The following LRP1B variants were observed in gnomAD, a reference collection of about 807,000 sequenced individuals.
The protein encoded by LRP1B is LDL receptor related protein 1B, also known as low-density lipoprotein receptor-related protein 1B.
LRP1B carries 217 observed loss-of-function variants against 556.6 expected under a neutral mutation model. The ratio of observed to expected loss-of-function variants is 0.39; its 90% CI spans 0.35 to 0.44. LRP1B has a LOEUF of 0.44. Among genes scored for constraint, LRP1B ranks in the 20% least tolerant of loss-of-function variants. The pLI is 1.00. For synonymous variants in LRP1B, 2,047 were observed against 1,865.8 expected (o/e 1.10, Z -2.50); for missense variants, 5,053 against 5,620.8 (o/e 0.90, Z 3.23).
chr2:141,076,557 T>C (rs1439621643), intron 7 of LRP1B, among the ~76,000 whole-genome samples: 1 of 152,224 alleles, frequency 6.6e-6, no homozygotes, highest in Non-Finnish European at 1.5e-5. Flanking sequence ...TCATTTACTA[T>C]TTGATCCAGC....
chr2:142,084,230 C>G (rs1217794101), intron 1 of LRP1B, among the ~76,000 whole-genome samples: 2 of 152,160 alleles, frequency 1.3e-5, no homozygotes, highest in Admixed American at 1.3e-4. Context: ...GATCCGCCCA[C>G]CTTGGCCTCC....
intron 1 of LRP1B, among the ~76,000 whole-genome samples, chr2:141,975,503 G>A (rs974976951): frequency 1.8e-4 from 28 of 152,012 alleles, no homozygotes; most frequent in African/African-American, 6.3e-4. Flanking sequence ...ATGGATTGAA[G>A]GAAGAGAAAA....
intron 1 of LRP1B, among the ~76,000 whole-genome samples, chr2:141,833,758 T>C (rs1697180003): frequency 6.6e-6 from 1 of 151,484 alleles, no homozygotes; most frequent in Middle Eastern, 3.4e-3. Flanking sequence ...AAAAAATAAA[T>C]TGATGGTTGT....
chr2:141,162,196 T>C (rs1370777439), intron 7 of LRP1B, among the ~76,000 whole-genome samples: 3 of 152,116 alleles, frequency 2.0e-5, no homozygotes, highest in African/African-American at 4.8e-5. Flanking sequence ...TTTATAAATA[T>C]GCTTTTGTCT....
chr2:140,238,954 C>T (rs1047126148), intron 88 of LRP1B, among the ~76,000 whole-genome samples: 1 of 150,752 alleles, frequency 6.6e-6, no homozygotes, highest in African/African-American at 2.4e-5. Context: ...CTGTAGACAA[C>T]CTAGTCTTCT....
At chr2:140,813,433 A>C (rs1690995975) in intron 32 of LRP1B, among the ~76,000 whole-genome samples, 1 of 152,254 alleles carries the variant, frequency 6.6e-6, no homozygotes, top group Non-Finnish European at 1.5e-5. Flanking sequence ...AATCAGTAAC[A>C]GTAAAGTTAG....
At chr2:141,972,342 T>C (rs1701766780) in intron 1 of LRP1B, among the ~76,000 whole-genome samples, 1 of 151,580 alleles carries the variant, frequency 6.6e-6, no homozygotes, top group Admixed American at 6.6e-5. Flanking sequence ...TATATGCATA[T>C]TGTTTAGTGA....
chr2:140,444,285 A>T (rs2105303683), intron 65 of LRP1B, 45 bp downstream of exon 65: 7 of 1,606,656 alleles, frequency 4.4e-6, no homozygotes, highest in Non-Finnish European at 6.0e-6. Flanking sequence ...GACTTATTTT[A>T]GGAGTCAAAG....
intron 69 of LRP1B, 95 bp downstream of exon 69, chr2:140,372,913 C>T (rs2105170516): frequency 7.9e-7 from 1 of 1,272,766 alleles, no homozygotes; most frequent in Non-Finnish European, 1.1e-6. Flanking sequence ...AAACATATGA[C>T]ATATTTGCCA....
chr2:141,876,374 ACC>A (rs1162512926), intron 1 of LRP1B, among the ~76,000 whole-genome samples: 1 of 151,956 alleles, frequency 6.6e-6, no homozygotes, highest in Non-Finnish European at 1.5e-5. Context: ...AGTAAATAAG[ACC>A]AGGTAATTAG....
At chr2:141,205,075 T>C (rs971251) in intron 6 of LRP1B, among the ~76,000 whole-genome samples, 43,122 of 152,110 alleles carry the variant, frequency 0.28, 6,830 homozygotes, top group East Asian at 0.66. Flanking sequence ...GGTTTACATA[T>C]GGTAATACAC....
intron 43 of LRP1B, 94 bp from the exon 44 acceptor site, chr2:140,542,065 T>G: frequency 1.3e-6 from 1 of 769,470 alleles, no homozygotes. Context: ...AGATTAGGAT[T>G]AGTTGGATTT....
At chr2:141,469,040 GA>G (rs112872614) in intron 3 of LRP1B, among the ~76,000 whole-genome samples, 66,891 of 152,044 alleles carry the variant, frequency 0.44, 15,021 homozygotes, top group Non-Finnish European at 0.49. Flanking sequence ...TTGGTTTCAA[GA>G]TTTTTCTTAA....
At chr2:142,022,952 G>A (rs1284168311) in intron 1 of LRP1B, among the ~76,000 whole-genome samples, 1 of 152,188 alleles carries the variant, frequency 6.6e-6, no homozygotes, top group African/African-American at 2.4e-5. Context: ...TGGGATTACA[G>A]GCGTGAGCCA....
intron 2 of LRP1B, among the ~76,000 whole-genome samples, chr2:141,721,220 T>G (rs1484770110): frequency 6.6e-6 from 1 of 152,216 alleles, no homozygotes; most frequent in Non-Finnish European, 1.5e-5. Context: ...TTTATTTAAT[T>G]CCAATTTGCA....
chr2:141,020,437 C>A (rs1055729270), intron 11 of LRP1B, among the ~76,000 whole-genome samples: 1 of 151,772 alleles, frequency 6.6e-6, no homozygotes, highest in South Asian at 2.1e-4. Context: ...GTGATAGGAG[C>A]GAAAAAGCTT....
At chr2:141,738,706 T>G (rs1693585764) in intron 2 of LRP1B, among the ~76,000 whole-genome samples, 1 of 152,106 alleles carries the variant, frequency 6.6e-6, no homozygotes, top group African/African-American at 2.4e-5. Flanking sequence ...GACTTGATCG[T>G]TTTGTGTTTT....
intron 35 of LRP1B, among the ~76,000 whole-genome samples, chr2:140,761,718 T>A (rs1014705145): frequency 1.3e-5 from 2 of 152,064 alleles, no homozygotes; most frequent in African/African-American, 4.8e-5. Flanking sequence ...TGGTAGTGAA[T>A]CCTCCCTAAC....
At chr2:141,604,923 C>T in intron 2 of LRP1B, among the ~76,000 whole-genome samples, 1 of 152,068 alleles carries the variant, frequency 6.6e-6, no homozygotes, top group East Asian at 1.9e-4. Context: ...CGGGTACAAG[C>T]TATAACACAG....
Sources: gnomAD v4.1 joint callset for allele counts (sites outside exome capture counted in the v4.1 genomes callset) on GRCh38, gnomAD v4.1.1 for gene constraint, MANE v1.5 for transcripts, NCBI Gene and HGNC (gene_info 2026-07-23, HGNC 2026-07-21) for gene names.